ITGB3BP: variants seen among roughly 807,000 people sequenced by gnomAD.
ITGB3BP encodes the protein centromere protein R.
A neutral mutation model predicts 29.1 loss-of-function variants in ITGB3BP; 27 were observed. That is an observed-to-expected ratio of 0.93 (90% CI 0.68 to 1.28). The LOEUF is 1.28. ITGB3BP is among the 50% of genes most tolerant of loss of function. ITGB3BP has a pLI of 0.00. For missense variants in ITGB3BP, 192 were observed against 200.2 expected (o/e 0.96, Z 0.25); for synonymous variants, 61 against 61.4 (o/e 0.99, Z 0.03).
chr1:63,523,261 G>A (rs1418020901), upstream of ITGB3BP: 3 of 1,268,704 alleles, frequency 2.4e-6, no homozygotes, highest in Admixed American at 3.6e-5. Context: ...CAAGCCCACC[G>A]CGGCCGGGCG....
At chr1:63,497,847 G>A (rs181074057) in intron 2 of ITGB3BP, among the ~76,000 whole-genome samples, 27 of 152,246 alleles carry the variant, frequency 1.8e-4, no homozygotes, top group Admixed American at 1.2e-3. Context: ...TCACTGGGGT[G>A]TGTTTATTTG....
intron 4 of ITGB3BP, among the ~76,000 whole-genome samples, chr1:63,469,893 G>A (rs1211770956): frequency 1.3e-5 from 2 of 152,172 alleles, no homozygotes; most frequent in Non-Finnish European, 2.9e-5. Flanking sequence ...TGGCCGTAAC[G>A]CCCACGCTGT....
At chr1:63,527,208 T>C (rs1343119612), upstream of ITGB3BP, among the ~76,000 whole-genome samples, 1 of 152,214 alleles carries the variant, frequency 6.6e-6, no homozygotes, top group Non-Finnish European at 1.5e-5. Context: ...GCATTTAGTT[T>C]GTGAATCAAT....
intron 7 of ITGB3BP, 83 bp from the exon 8 acceptor site, chr1:63,446,939 A>G: frequency 3.0e-6 from 3 of 985,946 alleles, no homozygotes; most frequent in Non-Finnish European, 4.7e-6. Context: ...ATAAATGTTG[A>G]AGCAAAATGA....
At chr1:63,492,261 T>G (rs1292477078) in intron 2 of ITGB3BP, among the ~76,000 whole-genome samples, 2 of 151,826 alleles carry the variant, frequency 1.3e-5, no homozygotes, top group African/African-American at 2.4e-5. Flanking sequence ...GCTTCTCTCT[T>G]TTTTTATTTT....
intron 8 of ITGB3BP, among the ~76,000 whole-genome samples, chr1:63,441,378 C>A (rs1162399112): frequency 6.6e-6 from 1 of 152,244 alleles, no homozygotes; most frequent in East Asian, 1.9e-4. Flanking sequence ...GCTGGGACTA[C>A]AGGTGTGTGC....
At chr1:63,451,320 A>C (rs528657901) in intron 7 of ITGB3BP, among the ~76,000 whole-genome samples, 4 of 152,072 alleles carry the variant, frequency 2.6e-5, no homozygotes, top group Non-Finnish European at 5.9e-5. Context: ...AATCCTATAC[A>C]TATTATAGGG....
intron 2 of ITGB3BP, among the ~76,000 whole-genome samples, chr1:63,528,902 G>A (rs1024245998): frequency 6.6e-6 from 1 of 152,012 alleles, no homozygotes; most frequent in Non-Finnish European, 1.5e-5. Flanking sequence ...TAGCAGTAGT[G>A]TAGCAATATG....
intron 2 of ITGB3BP, among the ~76,000 whole-genome samples, chr1:63,506,468 C>T (rs1322918367): frequency 6.6e-6 from 1 of 152,076 alleles, no homozygotes; most frequent in Admixed American, 6.6e-5. Flanking sequence ...ATGGGAGAAA[C>T]CACCCCCATG....
At chr1:63,447,460 A>G (rs959951358) in intron 7 of ITGB3BP, 1 of 420,116 alleles carries the variant, frequency 2.4e-6, no homozygotes, top group African/African-American at 2.1e-5. Flanking sequence ...AGGAGCCCAG[A>G]AAGAGTCCTG....
At chr1:63,466,600 C>T (rs1557618981) in intron 4 of ITGB3BP, among the ~76,000 whole-genome samples, 1 of 152,194 alleles carries the variant, frequency 6.6e-6, no homozygotes, top group Non-Finnish European at 1.5e-5. Flanking sequence ...TACCACACAG[C>T]ATGTTTCAAA....
At chr1:63,501,285 G>A (rs372255901) in intron 2 of ITGB3BP, among the ~76,000 whole-genome samples, 5 of 152,072 alleles carry the variant, frequency 3.3e-5, no homozygotes, top group African/African-American at 9.7e-5. Context: ...CATGTTTCTC[G>A]GATATGACAT....
chr1:63,449,501 CA>C (rs2100483060), intron 7 of ITGB3BP: 1 of 152,146 alleles, frequency 6.6e-6, no homozygotes, highest in Non-Finnish European at 1.5e-5. Flanking sequence ...AAATCCTAGA[CA>C]AATCTCAAGT....
intron 3 of ITGB3BP, among the ~76,000 whole-genome samples, chr1:63,485,588 A>G (rs1014250213): frequency 6.6e-6 from 1 of 151,978 alleles, no homozygotes; most frequent in Non-Finnish European, 1.5e-5. Flanking sequence ...GCTTTTTGCA[A>G]TTCCACTCCT....
At chr1:63,469,883 T>C (rs1645166112) in intron 4 of ITGB3BP, among the ~76,000 whole-genome samples, 1 of 152,222 alleles carries the variant, frequency 6.6e-6, no homozygotes, top group Non-Finnish European at 1.5e-5. Context: ...ATGTTCATGA[T>C]GGCCGTAACG....
At chr1:63,521,614 T>C (rs1646448068) in intron 1 of ITGB3BP, among the ~76,000 whole-genome samples, 1 of 152,116 alleles carries the variant, frequency 6.6e-6, no homozygotes, top group African/African-American at 2.4e-5. Context: ...GAAGGATCAC[T>C]TAAGCCCAGG....
intron 8 of ITGB3BP, among the ~76,000 whole-genome samples, chr1:63,443,787 CAAAG>C (rs545215385): frequency 2.4e-3 from 365 of 151,766 alleles, no homozygotes; most frequent in African/African-American, 8.5e-3. Flanking sequence ...GATGTGGGGA[CAAAG>C]AGAGAGAGAA....
intron 4 of ITGB3BP, among the ~76,000 whole-genome samples, chr1:63,465,652 A>G (rs1645087397): frequency 6.6e-6 from 1 of 152,176 alleles, no homozygotes; most frequent in African/African-American, 2.4e-5. Flanking sequence ...GACCTCCCAA[A>G]GTGCTGGGAT....
Position 63,517,345 on chromosome 1 carries a change from T to C in ITGB3BP, c.5+5784A>G, listed in dbSNP as rs531189814. Among the ~76,000 whole-genome samples, 4 of 151,618 alleles carry C rather than the reference T, an allele frequency of 2.6e-5. No individual in the cohort carries two copies. In the South Asian group the frequency reaches 6.2e-4, roughly 24 times the overall value. On this transcript the variant is annotated intron_variant, in intron 1 of 8. Transcript: ENST00000271002. ...TATATATATGTAACTAACCTGCACA[T>C]TGTGCACATGTACCCTAAAACTTAA...
Sources: gnomAD v4.1 joint callset for allele counts (sites outside exome capture counted in the v4.1 genomes callset) on GRCh38, gnomAD v4.1.1 for gene constraint, MANE v1.5 for transcripts, NCBI Gene and HGNC (gene_info 2026-07-23, HGNC 2026-07-21) for gene names.